SNTG1: variants seen among roughly 807,000 people sequenced by gnomAD.
SNTG1 encodes the protein syntrophin gamma 1, also known as gamma-1-syntrophin.
A neutral mutation model predicts 74.7 loss-of-function variants in SNTG1; 39 were observed. That is an observed-to-expected ratio of 0.52 (90% confidence interval 0.40 to 0.68). SNTG1 has a LOEUF of 0.68. SNTG1 is among the 30% of genes least tolerant of loss of function. The pLI is 0.00. For missense variants in SNTG1, 685 were observed against 609.5 expected (o/e 1.12, Z -1.30); for synonymous variants, 254 against 217.1 (o/e 1.17, Z -1.49).
intron 2 of SNTG1, among the ~76,000 whole-genome samples, chr8:50,228,851 G>A (rs1376758108): frequency 1.3e-5 from 2 of 151,706 alleles, no homozygotes; most frequent in East Asian, 1.9e-4. Context: ...GAGCACAGGA[G>A]GGGGAATACA....
At chr8:50,489,832 G>T (rs886993248) in intron 8 of SNTG1, among the ~76,000 whole-genome samples, 5 of 152,164 alleles carry the variant, frequency 3.3e-5, no homozygotes, top group Admixed American at 3.3e-4. Context: ...TTTTAGTCAT[G>T]AAGTCTTTGC....
chr8:50,066,012 C>T (rs966200194), intron 1 of SNTG1, among the ~76,000 whole-genome samples: 1 of 152,066 alleles, frequency 6.6e-6, no homozygotes, highest in Admixed American at 6.5e-5. Flanking sequence ...GTCAGGAGTT[C>T]GAGACCAGCC....
chr8:50,109,411 G>T (rs2080497825), intron 1 of SNTG1, among the ~76,000 whole-genome samples: 1 of 152,114 alleles, frequency 6.6e-6, no homozygotes, highest in Non-Finnish European at 1.5e-5. Flanking sequence ...AACATGCCAG[G>T]AGTCTAAGTC....
intron 2 of SNTG1, among the ~76,000 whole-genome samples, chr8:50,177,179 C>G (rs2131687590): frequency 6.6e-6 from 1 of 152,290 alleles, no homozygotes; most frequent in Non-Finnish European, 1.5e-5. Context: ...CTTATAGTAT[C>G]AAAGCTGCAG....
chr8:50,090,317 T>C (rs2079674021), intron 1 of SNTG1, among the ~76,000 whole-genome samples: 1 of 152,182 alleles, frequency 6.6e-6, no homozygotes, highest in Non-Finnish European at 1.5e-5. Flanking sequence ...GAGCTGGGTC[T>C]ATGCCCATCT....
chr8:50,762,729 C>T lies in SNTG1; in HGVS notation c.1395+10618C>T, dbSNP rs2095602562. The T allele has an allele frequency of 9.9e-5, 48 of 484,052 alleles. 1 individual carries two copies. The highest frequency in any genetic ancestry group is 6.8e-4 in the South Asian group (46 of 67,738). 30.0% of individuals were successfully genotyped at this position (484,052 alleles called of 1,614,324 possible). ...TTAGGCCCAGTCTTGTGCTTGCCTC[C>T]CTTTTCCATGATGTGGCACTGGACA... On this transcript the variant is annotated intron_variant, in intron 18 of 18. Transcript: ENST00000642720.
chr8:49,939,322 A>AT (rs1808466674), intron 1 of SNTG1, among the ~76,000 whole-genome samples: 1 of 152,202 alleles, frequency 6.6e-6, no homozygotes, highest in Admixed American at 6.5e-5. Context: ...TCTTTCAACC[A>AT]TTAGGCCCTC....
chr8:50,293,225 C>T (rs1490132809), intron 2 of SNTG1, among the ~76,000 whole-genome samples: 1 of 152,092 alleles, frequency 6.6e-6, no homozygotes, highest in Non-Finnish European at 1.5e-5. Context: ...ATTCTGAAGG[C>T]TAGAAGTCCA....
chr8:50,783,284 T>A lies in SNTG1; in HGVS notation c.1396-9387T>A, dbSNP rs188427735. 3.7e-3 allele frequency among the ~76,000 whole-genome samples: 565 copies of A among 152,332 alleles called. 4 individuals are homozygous for A. The highest frequency in any genetic ancestry group is 0.013 in the African/African-American group (523 of 41,586). ...TTACTGCTGTCTTTTTGTTTGTCTGTGCCCTGCCCCCAGAGGTGGAGCCTA... is the reference window on the plus strand; with the variant it reads ...TTACTGCTGTCTTTTTGTTTGTCTGAGCCCTGCCCCCAGAGGTGGAGCCTA... On this transcript the variant is annotated intron_variant, in intron 18 of 18. Transcript: ENST00000642720.
At chr8:50,217,224 C>T (rs1337642331) in intron 2 of SNTG1, among the ~76,000 whole-genome samples, 1 of 151,934 alleles carries the variant, frequency 6.6e-6, no homozygotes, top group Non-Finnish European at 1.5e-5. Flanking sequence ...TATACTGGTA[C>T]ACACCATAAT....
chr8:50,233,666 G>T (rs1404114798), intron 2 of SNTG1, among the ~76,000 whole-genome samples: 1 of 150,776 alleles, frequency 6.6e-6, no homozygotes, highest in Non-Finnish European at 1.5e-5. Context: ...CTGATAAAGA[G>T]CCCATATCTA....
chr8:50,247,473 C>T (rs771012191), intron 2 of SNTG1, among the ~76,000 whole-genome samples: 6 of 152,062 alleles, frequency 3.9e-5, no homozygotes, highest in Non-Finnish European at 8.8e-5. Flanking sequence ...TAAGTTAGTG[C>T]AACTTACTTT....
intron 1 of SNTG1, among the ~76,000 whole-genome samples, chr8:50,045,660 T>G (rs984620393): frequency 2.0e-5 from 3 of 152,184 alleles, no homozygotes; most frequent in Admixed American, 6.5e-5. Context: ...TATGTGTTGT[T>G]GTAATCAAAA....
chr8:49,951,873 C>CAAA (rs5891338), intron 1 of SNTG1, among the ~76,000 whole-genome samples: 976 of 56,370 alleles, frequency 0.017, 8 homozygotes, highest in Non-Finnish European at 0.021. Context: ...GGAAAATTCA[C>CAAA]AAAAAAAAAA....
intron 15 of SNTG1, among the ~76,000 whole-genome samples, chr8:50,666,155 C>G (rs1390371723): frequency 6.6e-6 from 1 of 152,116 alleles, no homozygotes; most frequent in Non-Finnish European, 1.5e-5. Flanking sequence ...CTAACCAAAT[C>G]TAATGTGATT....
intron 1 of SNTG1, among the ~76,000 whole-genome samples, chr8:50,094,645 C>G (rs1050794825): frequency 7.9e-5 from 12 of 152,008 alleles, no homozygotes; most frequent in African/African-American, 2.9e-4. Context: ...TGCCTTCACA[C>G]CAAATCAGAA....
At chr8:50,556,862 C>A (rs1358306009) in intron 12 of SNTG1, among the ~76,000 whole-genome samples, 3 of 152,198 alleles carry the variant, frequency 2.0e-5, no homozygotes, top group African/African-American at 4.8e-5. Flanking sequence ...TAGCAGATGA[C>A]CCTTGAGAGC....
At position 50,124,589 on chromosome 8, in the gene SNTG1, T is replaced by C. The variant is rs185158281; in HGVS notation, c.-102-47972T>C. On this transcript the variant is annotated intron_variant, in intron 1 of 18. Transcript: ENST00000642720. ...ATGCTGAATAGCAATACGGTCCTAA[T>C]TGCATGATTGAAATGGACTTTGAAG... is the stretch of plus-strand genomic sequence containing the variant. Among the ~76,000 whole-genome samples the C allele has an allele frequency of 7.5e-4, 107 of 142,436 alleles. 17 individuals are homozygous for C. Among genetic ancestry groups the C allele is most frequent in the Non-Finnish European group, 4.4e-4 (28 of 63,844 alleles). The allele number at this position is 142,436 out of a possible 152,430, so 93.4% of individuals were successfully genotyped here.
chr8:50,087,874 G>C (rs1823050805), intron 1 of SNTG1, among the ~76,000 whole-genome samples: 2 of 149,956 alleles, frequency 1.3e-5, no homozygotes, highest in Non-Finnish European at 3.0e-5. Flanking sequence ...CTGGTGCGCT[G>C]CACCCACTAA....
Sources: allele counts gnomAD v4.1 joint callset (sites outside exome capture counted in the v4.1 genomes callset), GRCh38; gene constraint gnomAD v4.1.1; transcripts MANE v1.5; gene names NCBI Gene and HGNC (gene_info 2026-07-23, HGNC 2026-07-21).